SPHKAP: variants seen among roughly 807,000 people sequenced by gnomAD.
SPHKAP encodes SPHK1 interactor, AKAP domain containing, also known as A-kinase anchor protein SPHKAP.
Under a neutral mutation model 137.5 loss-of-function variants are expected in SPHKAP, and 67 were observed. The observed-to-expected ratio is 0.49, with a 90% CI of 0.40 to 0.60. The LOEUF is 0.60. Ranked by LOEUF, SPHKAP falls within the 20% of genes least tolerant of loss-of-function variation. The pLI is 0.00. For synonymous variants in SPHKAP, 813 were observed against 785.3 expected, an observed-to-expected ratio of 1.04 and a Z score of -0.59; for missense variants, 2,097 against 2,069.3, an observed-to-expected ratio of 1.01 and a Z score of -0.26.
intron 1 of SPHKAP, among the ~76,000 whole-genome samples, chr2:228,157,140 A>T: frequency 6.6e-6 from 1 of 151,648 alleles, no homozygotes; most frequent in Admixed American, 6.6e-5. Flanking sequence ...TATGAAGGAA[A>T]ATAACATTTG....
chr2:228,045,326 T>C (rs1695997608), intron 3 of SPHKAP, among the ~76,000 whole-genome samples: 3 of 142,734 alleles, frequency 2.1e-5, no homozygotes, highest in South Asian at 2.4e-4. Context: ...CTATTCACTA[T>C]AGCAAAGACT....
At position 228,018,023 on chromosome 2, in the gene SPHKAP, A is replaced by G. The variant is rs891147567; in HGVS notation, c.2831T>C (p.Ile944Thr). ...GGAGTTGTCAAGGCAAATCGCTGCA[A>G]TTTCAGTTGCCATGGAGACGACCGT... Reference protein sequence around the residue: ...ADTVVSMATEIAAICLDNSSG... With the variant: ...ADTVVSMATETAAICLDNSSG... Residue 944 changes from isoleucine (I) to threonine (T), a missense_variant, in exon 7 of 12, where the codon ATT (isoleucine) becomes ACT (threonine). Physicochemically the swap from Ile to Thr is moderately conservative, Grantham distance 89. Transcript: ENST00000392056. 4 of 1,614,080 alleles carry G rather than the reference A, an allele frequency of 2.5e-6. No individual in the cohort carries two copies. The African/African-American group carries it at 4.0e-5, about 16-fold the overall frequency.
At chr2:228,114,433 A>T (rs778237099) in intron 2 of SPHKAP, among the ~76,000 whole-genome samples, 5 of 152,114 alleles carry the variant, frequency 3.3e-5, no homozygotes, top group Non-Finnish European at 7.4e-5. Flanking sequence ...GTGACTGGTG[A>T]TTAATCTTGG....
intron 1 of SPHKAP, among the ~76,000 whole-genome samples, chr2:228,157,700 G>A (rs751383179): frequency 7.0e-4 from 106 of 152,246 alleles, no homozygotes; most frequent in South Asian, 1.0e-3. Flanking sequence ...ATTTTGCGGG[G>A]AAGCTTACGG....
chr2:228,062,881 T>A lies in SPHKAP; in HGVS notation c.247-35338A>T, dbSNP rs560750411. On this transcript the variant is annotated intron_variant, in intron 3 of 11. Transcript: ENST00000392056. ...TATGTGAGTAAAATAACTGGTGCTA[T>A]TGCAGAATTAGTTATGCATTAGGGA... 8.7e-4 allele frequency among the ~76,000 whole-genome samples: 132 copies of A among 152,352 alleles called. 1 individual carries two copies. The Middle Eastern group carries it at 0.01, about 12-fold the overall frequency.
At chr2:228,172,378 G>C (rs1318685658) in intron 1 of SPHKAP, among the ~76,000 whole-genome samples, 2 of 152,258 alleles carry the variant, frequency 1.3e-5, no homozygotes, top group East Asian at 3.9e-4. Flanking sequence ...ATCTGGAGCT[G>C]GTCCATAGGA....
intron 3 of SPHKAP, among the ~76,000 whole-genome samples, chr2:228,052,191 A>T (rs1259723421): frequency 6.7e-6 from 1 of 148,778 alleles, no homozygotes; most frequent in Non-Finnish European, 1.5e-5. Flanking sequence ...GAACAAAAAG[A>T]AAAAAAAAAG....
At chr2:228,148,643 C>T (rs1699844723) in intron 1 of SPHKAP, among the ~76,000 whole-genome samples, 1 of 152,084 alleles carries the variant, frequency 6.6e-6, no homozygotes, top group African/African-American at 2.4e-5. Context: ...ACCCCACACC[C>T]CACAACCAAC....
At chr2:228,173,206 G>A (rs532879252) in intron 1 of SPHKAP, among the ~76,000 whole-genome samples, 1 of 152,198 alleles carries the variant, frequency 6.6e-6, no homozygotes, top group African/African-American at 2.4e-5. Flanking sequence ...GAAACAAGGA[G>A]AAAGAAACAA....
rs1020246220 is a variant in SPHKAP, at chr2:228,017,124, A to T, written c.3730T>A (p.Ser1244Thr). 24 of 1,613,876 alleles carry T rather than the reference A, an allele frequency of 1.5e-5. No individual in the cohort carries two copies. The highest frequency in any genetic ancestry group is 4.0e-5 in the African/African-American group (3 of 74,888). ...HRQSSMPDSR[S>T]PCSRLTVNVP... is the part of the protein sequence containing the mutation. ...TTCACTGTCAGCCTGGAGCATGGGG[A>T]TCTGCTGTCTGGCATGGACGACTGT... is the stretch of plus-strand genomic sequence containing the variant. The change falls in exon 7 of 12, where the codon TCC becomes ACC. Residue 1244 changes from serine to threonine, a missense_variant. Ser to Thr is a moderately conservative substitution (Grantham distance 58). Coordinates refer to ENST00000392056, the MANE Select transcript of SPHKAP (RefSeq NM_001142644.2).
At chr2:228,154,933 A>T (rs10933238) in intron 1 of SPHKAP, among the ~76,000 whole-genome samples, 33,775 of 151,510 alleles carry the variant, frequency 0.22, 4,204 homozygotes, top group East Asian at 0.49. Flanking sequence ...AACCATTTTT[A>T]AAAAATGGTA....
chr2:228,033,905 T>G (rs1412892943), intron 3 of SPHKAP, among the ~76,000 whole-genome samples: 1 of 152,142 alleles, frequency 6.6e-6, no homozygotes, highest in Non-Finnish European at 1.5e-5. Context: ...TTTATACCAC[T>G]AAATGCCCAC....
chr2:228,090,793 A>G (rs1328430524), intron 3 of SPHKAP, among the ~76,000 whole-genome samples: 1 of 151,798 alleles, frequency 6.6e-6, no homozygotes, highest in Non-Finnish European at 1.5e-5. Context: ...CTTATCATGC[A>G]ATGTGCTGGC....
In SPHKAP at chr2:228,016,799, G is replaced by C; in HGVS notation, c.4055C>G (p.Ala1352Gly). Residue 1352 changes from alanine to glycine, a missense_variant, in exon 7 of 12, where the codon GCT becomes GGT. Coordinates refer to ENST00000392056, the MANE Select transcript of SPHKAP (RefSeq NM_001142644.2). ...SQAEKCANRL[A>G]ASRMCSGPTL... ...TGGCCCACTGCACATCCTGCTCGCAGCTAATCTATTTGCACACTTCTCTGC... is the reference window on the plus strand; with the variant it reads ...TGGCCCACTGCACATCCTGCTCGCACCTAATCTATTTGCACACTTCTCTGC... 6.2e-7 allele frequency: 1 copy of C among 1,614,056 alleles called. No individual in the cohort carries two copies. Among genetic ancestry groups the C allele is most frequent in the East Asian group, 2.2e-5 (1 of 44,858 alleles).
chr2:228,154,241 C>T (rs552876441), intron 1 of SPHKAP, among the ~76,000 whole-genome samples: 9 of 151,470 alleles, frequency 5.9e-5, no homozygotes, highest in Non-Finnish European at 1.2e-4. Flanking sequence ...ATTGCACTTA[C>T]AAGGGGAAAA....
intron 3 of SPHKAP, among the ~76,000 whole-genome samples, chr2:228,083,449 T>G (rs575934578): frequency 6.6e-6 from 1 of 152,210 alleles, no homozygotes; most frequent in African/African-American, 2.4e-5. Flanking sequence ...GTTGATAAGC[T>G]TTTTTTCTAT....
chr2:228,126,071 T>A (rs1202994681), intron 2 of SPHKAP, among the ~76,000 whole-genome samples: 5 of 152,016 alleles, frequency 3.3e-5, no homozygotes, highest in African/African-American at 1.2e-4. Context: ...CAGAGTGATA[T>A]GCCTCAACAA....
chr2:228,123,105 A>G (rs1175317497), intron 2 of SPHKAP, among the ~76,000 whole-genome samples: 1 of 151,996 alleles, frequency 6.6e-6, no homozygotes, highest in Non-Finnish European at 1.5e-5. Context: ...CCCTATCCCC[A>G]TCCAGTATTC....
In SPHKAP at chr2:228,042,104, G is replaced by A. The variant is rs1044146419; in HGVS notation, c.247-14561C>T. Among the ~76,000 whole-genome samples, 6 of 152,240 alleles carry A rather than the reference G, an allele frequency of 3.9e-5. No homozygotes were observed. The South Asian group carries it at 6.2e-4, about 16-fold the overall frequency. On this transcript the variant is annotated intron_variant, in intron 3 of 11. Transcript: ENST00000392056. ...AAGAACAACATAAAAACAAGCAATCGTGCAAACAAACAAACAACCAATGGA... is the reference window on the plus strand; with the variant it reads ...AAGAACAACATAAAAACAAGCAATCATGCAAACAAACAAACAACCAATGGA...
Sources: allele counts gnomAD v4.1 joint callset (sites outside exome capture counted in the v4.1 genomes callset), GRCh38; gene constraint gnomAD v4.1.1; transcripts MANE v1.5; gene names NCBI Gene and HGNC (gene_info 2026-07-23, HGNC 2026-07-21).